CNTN5: variants seen among roughly 807,000 people sequenced by gnomAD.
CNTN5 encodes contactin-5.
Under a neutral mutation model 129.1 loss-of-function variants are expected in CNTN5, and 77 were observed. The observed-to-expected ratio is 0.60, with a 90% CI of 0.50 to 0.72. The LOEUF is 0.72. Among genes scored for constraint, CNTN5 ranks in the 30% least tolerant of loss-of-function variants. The pLI, the probability that CNTN5 is intolerant of heterozygous loss-of-function variation, is 0.00. For synonymous variants in CNTN5, 509 were observed against 465.6 expected (o/e 1.09, Z -1.20); for missense variants, 1,478 against 1,328.8 (o/e 1.11, Z -1.75).
chr11:99,283,797 A>G (rs1017083779), intron 1 of CNTN5, among the ~76,000 whole-genome samples: 4 of 152,288 alleles, frequency 2.6e-5, no homozygotes, highest in Middle Eastern at 3.4e-3. Context: ...TTTAGATTCA[A>G]CTGTATTGGA....
intron 21 of CNTN5, among the ~76,000 whole-genome samples, chr11:100,323,226 G>A (rs1400899709): frequency 6.6e-6 from 1 of 152,200 alleles, no homozygotes; most frequent in East Asian, 1.9e-4. Context: ...AGCAAGCATA[G>A]TTTATCATTC....
intron 2 of CNTN5, among the ~76,000 whole-genome samples, chr11:99,459,946 G>A (rs1436644834): frequency 6.6e-6 from 1 of 151,844 alleles, no homozygotes; most frequent in Non-Finnish European, 1.5e-5. Context: ...GAAGGAGCTA[G>A]TATTACTAGA....
At chr11:99,391,356 T>C (rs1331965189) in intron 2 of CNTN5, among the ~76,000 whole-genome samples, 3 of 152,160 alleles carry the variant, frequency 2.0e-5, no homozygotes, top group Admixed American at 2.0e-4. Context: ...TCTAATTCCA[T>C]TTCTAGCACT....
At chr11:99,120,893 T>A (rs577466625) in intron 1 of CNTN5, among the ~76,000 whole-genome samples, 7 of 152,290 alleles carry the variant, frequency 4.6e-5, no homozygotes, top group Non-Finnish European at 1.0e-4. Context: ...ACATTGCACA[T>A]AATTTACCCA....
intron 1 of CNTN5, among the ~76,000 whole-genome samples, chr11:99,166,424 T>A (rs1468543476): frequency 2.0e-5 from 3 of 147,904 alleles, no homozygotes; most frequent in Admixed American, 6.8e-5. Context: ...AAAAGAGTAG[T>A]TATGTTAAGA....
intron 3 of CNTN5, among the ~76,000 whole-genome samples, chr11:99,672,920 A>G (rs1953109705): frequency 6.6e-6 from 1 of 152,086 alleles, no homozygotes; most frequent in Non-Finnish European, 1.5e-5. Context: ...TTCCTCTTGT[A>G]GTCTTTCATA....
chr11:99,050,361 A>C (rs1470121129), intron 1 of CNTN5, among the ~76,000 whole-genome samples: 1 of 152,010 alleles, frequency 6.6e-6, no homozygotes, highest in Non-Finnish European at 1.5e-5. Context: ...GAAATTTATA[A>C]CTGGTTTATC....
chr11:99,498,776 T>G (rs1946322791), intron 2 of CNTN5, among the ~76,000 whole-genome samples: 1 of 152,206 alleles, frequency 6.6e-6, no homozygotes, highest in African/African-American at 2.4e-5. Flanking sequence ...AAAATCTTCC[T>G]TCTTCCCTTG....
intron 1 of CNTN5, among the ~76,000 whole-genome samples, chr11:99,176,373 C>T (rs185493859): frequency 6.6e-6 from 1 of 152,260 alleles, no homozygotes; most frequent in East Asian, 1.9e-4. Flanking sequence ...ATTTATTGCT[C>T]CAGACCTTTC....
chr11:99,524,861 T>C (rs921758689), intron 2 of CNTN5, among the ~76,000 whole-genome samples: 1 of 152,104 alleles, frequency 6.6e-6, no homozygotes, highest in Non-Finnish European at 1.5e-5. Context: ...AAAAACATAC[T>C]AAATTGTATA....
chr11:99,709,200 A>G (rs1044838239), intron 3 of CNTN5, among the ~76,000 whole-genome samples: 1 of 151,920 alleles, frequency 6.6e-6, no homozygotes, highest in Non-Finnish European at 1.5e-5. Flanking sequence ...CTTTCATGCA[A>G]CTATGATGGC....
At chr11:99,677,479 C>G (rs756370231) in intron 3 of CNTN5, among the ~76,000 whole-genome samples, 1 of 152,126 alleles carries the variant, frequency 6.6e-6, no homozygotes, top group Admixed American at 6.6e-5. Context: ...GCATTTATCT[C>G]TTAGTTAATA....
chr11:99,188,799 T>A (rs1002572917), intron 1 of CNTN5, among the ~76,000 whole-genome samples: 1 of 151,792 alleles, frequency 6.6e-6, no homozygotes, highest in African/African-American at 2.4e-5. Context: ...CATTGTGGTA[T>A]GTCTTAATTG....
intron 3 of CNTN5, among the ~76,000 whole-genome samples, chr11:99,765,010 G>T (rs1944705446): frequency 2.6e-5 from 4 of 151,896 alleles, no homozygotes; most frequent in Admixed American, 2.0e-4. Flanking sequence ...AATTTTCTCT[G>T]AATTTTTCAT....
intron 3 of CNTN5, among the ~76,000 whole-genome samples, chr11:99,578,546 C>T (rs1451862552): frequency 2.0e-5 from 3 of 150,860 alleles, no homozygotes; most frequent in Non-Finnish European, 1.5e-5. Context: ...TGGTATCTCA[C>T]TGTGGTTTTG....
At chr11:99,932,729 G>T (rs1189797576) in intron 7 of CNTN5, among the ~76,000 whole-genome samples, 1 of 152,070 alleles carries the variant, frequency 6.6e-6, no homozygotes, top group African/African-American at 2.4e-5. Context: ...CTGCTTCTTG[G>T]TAAATACTCT....
At chr11:99,100,188 AT>A (rs568963312) in intron 1 of CNTN5, among the ~76,000 whole-genome samples, 1 of 152,020 alleles carries the variant, frequency 6.6e-6, no homozygotes, top group Non-Finnish European at 1.5e-5. Context: ...CTAAATAAAT[AT>A]TTTTTCTACA....
At chr11:99,403,754 G>T (rs1398758052) in intron 2 of CNTN5, among the ~76,000 whole-genome samples, 1 of 152,114 alleles carries the variant, frequency 6.6e-6, no homozygotes, top group African/African-American at 2.4e-5. Flanking sequence ...AATGTTTTAA[G>T]ACTTGTTTTG....
At chr11:99,862,744 T>G (rs1436127551) in intron 6 of CNTN5, among the ~76,000 whole-genome samples, 1 of 152,134 alleles carries the variant, frequency 6.6e-6, no homozygotes, top group Admixed American at 6.6e-5. Flanking sequence ...GAAAGGATCT[T>G]AGTAAGAGAA....
Sources: gnomAD v4.1 joint callset for allele counts (sites outside exome capture counted in the v4.1 genomes callset) on GRCh38, gnomAD v4.1.1 for gene constraint, MANE v1.5 for transcripts, NCBI Gene and HGNC (gene_info 2026-07-23, HGNC 2026-07-21) for gene names.